The following AGTR1 variants were observed in gnomAD, a reference collection of about 807,000 sequenced individuals.
AGTR1 encodes the protein angiotensin II receptor type 1, also known as type-1 angiotensin II receptor.
In AGTR1, 16 loss-of-function variants were observed where a neutral mutation model predicts 19.4. The ratio of observed to expected loss-of-function variants is 0.82; its 90% confidence interval spans 0.56 to 1.25. The LOEUF (loss-of-function observed/expected upper bound fraction) is 1.25, where lower values mean the gene tolerates loss of function less well. AGTR1 is among the 50% of genes most tolerant of loss of function. The pLI is 0.00. For synonymous variants in AGTR1, 153 were observed against 154.9 expected (o/e 0.99, Z 0.09); for missense variants, 373 against 431.9 (o/e 0.86, Z 1.21).
intron 2 of AGTR1, among the ~76,000 whole-genome samples, chr3:148,709,853 C>CA (rs1181177096): frequency 5.9e-5 from 9 of 152,106 alleles, no homozygotes; most frequent in Admixed American, 5.9e-4. Context: ...ATGCTGAAAT[C>CA]TACTCATGAC....
At position 148,741,483 on chromosome 3, in the gene AGTR1, A is replaced by G; in HGVS notation, c.448A>G (p.Ile150Val). 1 of 1,613,604 alleles carries G rather than the reference A, an allele frequency of 6.2e-7. No homozygotes were observed. Among genetic ancestry groups the G allele is most frequent in the Non-Finnish European group, 8.5e-7 (1 of 1,180,032 alleles). The change falls in exon 3 of 3, where the codon ATC becomes GTC. Residue 150 changes from isoleucine to valine, a missense_variant. By Grantham distance (29) the Ile-to-Val change is conservative. Transcript: ENST00000349243. ...AATGCTTGTAGCCAAAGTCACCTGC[A>G]TCATCATTTGGCTGCTGGCAGGCTT... is the stretch of plus-strand genomic sequence containing the variant. Reference protein sequence around the residue: ...RTMLVAKVTCIIIWLLAGLAS... With the variant: ...RTMLVAKVTCVIIWLLAGLAS...
chr3:148,702,269 A>G, intron 1 of AGTR1, among the ~76,000 whole-genome samples: 1 of 152,080 alleles, frequency 6.6e-6, no homozygotes, highest in Non-Finnish European at 1.5e-5. Context: ...GAGCCACCTC[A>G]CCTGGCCTGA....
chr3:148,713,945 G>T (rs1713143550), intron 2 of AGTR1, among the ~76,000 whole-genome samples: 1 of 152,110 alleles, frequency 6.6e-6, no homozygotes, highest in Non-Finnish European at 1.5e-5. Flanking sequence ...ACTTCAGTTT[G>T]CAACTATCAT....
chr3:148,742,287 C>A lies in AGTR1; in HGVS notation c.*172C>A. 1 of 965,356 alleles carries A rather than the reference C, an allele frequency of 1.0e-6. No individual in the cohort carries two copies. Among genetic ancestry groups the A allele is most frequent in the Non-Finnish European group, 1.7e-6 (1 of 597,780 alleles). 59.8% of individuals were successfully genotyped at this position (965,356 alleles called of 1,614,324 possible). A position where few individuals can be genotyped will look rare whatever the true frequency, so the allele number is the denominator to read the frequency against. On this transcript the variant is annotated 3_prime_UTR_variant, in exon 3 of 3. Transcript: ENST00000349243. Reference sequence around the variant, plus strand: ...AAGCTCTGAACAAAAGCTTTTCTTTCCTTTTGCAACAAGACAAAGCAAAGC... The same window carrying A: ...AAGCTCTGAACAAAAGCTTTTCTTTACTTTTGCAACAAGACAAAGCAAAGC...
intron 2 of AGTR1, among the ~76,000 whole-genome samples, chr3:148,714,516 A>G (rs749029680): frequency 6.6e-6 from 1 of 152,142 alleles, no homozygotes; most frequent in Non-Finnish European, 1.5e-5. Context: ...GTGGATAACA[A>G]AAGTGAAATC....
chr3:148,710,762 G>A (rs1381043053), intron 2 of AGTR1, among the ~76,000 whole-genome samples: 2 of 152,132 alleles, frequency 1.3e-5, no homozygotes, highest in African/African-American at 4.8e-5. Context: ...CAAATCTCAT[G>A]TTGAAATGTG....
intron 2 of AGTR1, among the ~76,000 whole-genome samples, chr3:148,721,516 G>A (rs1713632868): frequency 6.6e-6 from 1 of 152,172 alleles, no homozygotes; most frequent in South Asian, 2.1e-4. Context: ...TGAAACAATG[G>A]TTTTCAAGAG....
In AGTR1 at chr3:148,741,383, G is replaced by A; in HGVS notation, c.348G>A (p.Val116=). Residue 116 remains valine, a synonymous_variant, in exon 3 of 3, where the codon GTG becomes GTA. Coordinates refer to ENST00000349243, the MANE Select transcript of AGTR1 (RefSeq NM_000685.5). The part of the protein sequence containing the change: ...ASVSFNLYAS[V]FLLTCLSIDR... Reference sequence around the variant, plus strand: ...TCAGTTTCAACCTGTACGCTAGTGTGTTTCTACTCACGTGTCTCAGCATTG... The same window carrying A: ...TCAGTTTCAACCTGTACGCTAGTGTATTTCTACTCACGTGTCTCAGCATTG... 6.2e-7 allele frequency: 1 copy of A among 1,603,522 alleles called. No homozygotes were observed. Among genetic ancestry groups the A allele is most frequent in the Non-Finnish European group, 8.5e-7 (1 of 1,178,374 alleles).
chr3:148,708,830 C>T (rs531116239), intron 2 of AGTR1, among the ~76,000 whole-genome samples: 1 of 152,332 alleles, frequency 6.6e-6, no homozygotes, highest in Admixed American at 6.5e-5. Flanking sequence ...CTCCTAGTCC[C>T]CTCCAGGGAA....
At chr3:148,700,832 A>T (rs1346006202) in intron 1 of AGTR1, among the ~76,000 whole-genome samples, 2 of 152,226 alleles carry the variant, frequency 1.3e-5, no homozygotes, top group Non-Finnish European at 2.9e-5. Flanking sequence ...AAATGCTATT[A>T]GTTTCCTTCA....
In AGTR1 at chr3:148,741,140, CAGTAT is replaced by C. The variant is rs1159223903; in HGVS notation, c.106_110del (p.Ser36HisfsTer37). On this transcript the variant is annotated frameshift_variant, in exon 3 of 3. Transcript: ENST00000349243. LOFTEE classifies it high-confidence loss of function. Reference sequence around the variant, plus strand: ...TATTTGTCATGATTCCTACTTTATACAGTATCATCTTTGTGGTGGGAATATTTGGA... The same window carrying C: ...TATTTGTCATGATTCCTACTTTATACCATCTTTGTGGTGGGAATATTTGGA... 6.2e-7 allele frequency: 1 copy of C among 1,614,058 alleles called. No individual in the cohort carries two copies. Among genetic ancestry groups the C allele is most frequent in the East Asian group, 2.2e-5 (1 of 44,904 alleles).
At chr3:148,726,744 A>G (rs753172529) in intron 2 of AGTR1, among the ~76,000 whole-genome samples, 1 of 152,152 alleles carries the variant, frequency 6.6e-6, no homozygotes, top group Non-Finnish European at 1.5e-5. Context: ...TTCTCAATGA[A>G]GAGACCTTTT....
Position 148,741,542 on chromosome 3 carries a change from ATT to A in AGTR1, c.511_512del (p.Phe171HisfsTer2), listed in dbSNP as rs766887107. The A allele has an allele frequency of 6.2e-7, 1 of 1,614,056 alleles. No homozygotes were observed. The highest frequency in any genetic ancestry group is 1.1e-5 in the South Asian group (1 of 91,072). ...SLPAIIHRNV[F>X]FIENTNITVC... ...TGCCAGCTATAATCCATCGAAATGT[ATT>A]TTTCATTGAGAACACCAATATTACA... On this transcript the variant is annotated frameshift_variant, in exon 3 of 3. Coordinates refer to ENST00000349243, the MANE Select transcript of AGTR1 (RefSeq NM_000685.5). LOFTEE classifies it high-confidence loss of function.
chr3:148,708,871 T>C (rs757518079), intron 2 of AGTR1, among the ~76,000 whole-genome samples: 2 of 152,206 alleles, frequency 1.3e-5, no homozygotes, highest in Non-Finnish European at 2.9e-5. Flanking sequence ...ATTCTGAATA[T>C]GTTGTGCTCC....
chr3:148,708,651 C>T (rs1712806121), intron 2 of AGTR1, among the ~76,000 whole-genome samples: 1 of 152,178 alleles, frequency 6.6e-6, no homozygotes, highest in Non-Finnish European at 1.5e-5. Flanking sequence ...CTCTCACAAC[C>T]TGTTGTGGAG....
chr3:148,726,313 A>G (rs1045307532), intron 2 of AGTR1, among the ~76,000 whole-genome samples: 2 of 151,794 alleles, frequency 1.3e-5, no homozygotes, highest in Non-Finnish European at 2.9e-5. Flanking sequence ...GGTTCAAGTG[A>G]TTCTCCTACA....
intron 2 of AGTR1, among the ~76,000 whole-genome samples, chr3:148,722,645 C>G (rs1380607068): frequency 6.6e-6 from 1 of 152,142 alleles, no homozygotes; most frequent in African/African-American, 2.4e-5. Context: ...ATACTCCACT[C>G]TAGACTGAGC....
At chr3:148,735,231 C>G (rs12695911) in intron 2 of AGTR1, among the ~76,000 whole-genome samples, 7,297 of 152,250 alleles carry the variant, frequency 0.048, 187 homozygotes, top group African/African-American at 0.061. Context: ...GACAGAGTTT[C>G]AGAGTGGTAT....
chr3:148,732,132 G>A (rs748672183), intron 2 of AGTR1, among the ~76,000 whole-genome samples: 9 of 152,104 alleles, frequency 5.9e-5, no homozygotes, highest in Admixed American at 1.3e-4. Context: ...ATCACATTGC[G>A]CCCCCCTCTT....
Sources: gnomAD v4.1 joint callset for allele counts (sites outside exome capture counted in the v4.1 genomes callset) on GRCh38, gnomAD v4.1.1 for gene constraint, MANE v1.5 for transcripts, NCBI Gene and HGNC (gene_info 2026-07-23, HGNC 2026-07-21) for gene names.